SIN3B: variants seen among roughly 807,000 people sequenced by gnomAD.
SIN3B encodes SIN3 transcription regulator family member B.
Under a neutral mutation model 120.2 loss-of-function variants are expected in SIN3B, and 19 were observed. The observed-to-expected ratio is 0.16, with a 90% CI of 0.11 to 0.23. The LOEUF (loss-of-function observed/expected upper bound fraction) is 0.23. Ranked by LOEUF, SIN3B falls within the 10% of genes least tolerant of loss-of-function variation. The pLI, the probability that SIN3B is intolerant of heterozygous loss-of-function variation, is 1.00. For synonymous variants in SIN3B, 654 were observed against 653.2 expected (o/e 1.00, Z -0.02); for missense variants, 1,073 against 1,573.0 (o/e 0.68, Z 5.38).
Position 16,854,164 on chromosome 19 carries a change from CAGG to C in SIN3B, c.965_967del (p.Glu322del). 6.2e-7 allele frequency: 1 copy of C among 1,612,124 alleles called. No homozygotes were observed. Among genetic ancestry groups the C allele is most frequent in the Non-Finnish European group, 8.5e-7 (1 of 1,179,828 alleles). ...GCAGGTCCGCCGGGTGCTGAAGAGCCAGGAGGTGTATGAAAACTTCCTCCGCTG... is the reference window on the plus strand; with the variant it reads ...GCAGGTCCGCCGGGTGCTGAAGAGCCAGGTGTATGAAAACTTCCTCCGCTG... On this transcript the variant is annotated inframe_deletion, in exon 8 of 19. Transcript: ENST00000248054.
chr19:16,842,527 C>T (rs1971431377), intron 4 of SIN3B, among the ~76,000 whole-genome samples: 1 of 152,132 alleles, frequency 6.6e-6, no homozygotes, highest in Middle Eastern at 3.4e-3. Context: ...CTGCCTCAGC[C>T]CTCCAAGTAG....
chr19:16,841,951 A>G lies in SIN3B; in HGVS notation c.565A>G (p.Ile189Val). 2 of 1,613,712 alleles carry G rather than the reference A, an allele frequency of 1.2e-6. No individual in the cohort carries two copies. The highest frequency in any genetic ancestry group is 1.7e-6 in the Non-Finnish European group (2 of 1,179,810). The change falls in exon 4 of 19, where the codon ATC becomes GTC. Residue 189 changes from isoleucine (I) to valine (V), a missense_variant. Coordinates refer to ENST00000248054, the MANE Select transcript of SIN3B (RefSeq NM_001297595.2). ...HPEIYRSFLEILHTYQKEQLN... is the reference protein window; with the variant it reads ...HPEIYRSFLEVLHTYQKEQLN... ...AGAAATCTACAGGTCATTCCTGGAG[A>G]TCCTGCACACGTACCAGGTAAGAAC...
At chr19:16,856,432 G>A (rs531274327) in intron 8 of SIN3B, among the ~76,000 whole-genome samples, 5 of 152,100 alleles carry the variant, frequency 3.3e-5, no homozygotes, top group Admixed American at 1.3e-4. Context: ...GCAGGTGGGC[G>A]CTACCTGCAG....
In SIN3B at chr19:16,866,616, C is replaced by A; in HGVS notation, c.1806+60C>A. ...GTGGGGTCCTGGCTCTCCCGACCGC[C>A]GGGTCTGTGCCTCTGTTTCCCTGGT... On this transcript the variant is annotated intron_variant, in intron 12 of 18. Transcript: ENST00000248054. 2.0e-6 allele frequency: 3 copies of A among 1,526,624 alleles called. No individual in the cohort carries two copies. The South Asian group carries it at 3.4e-5, about 17-fold the overall frequency. 94.6% of individuals were successfully genotyped at this position (1,526,624 alleles called of 1,614,324 possible). A position where few individuals can be genotyped will look rare whatever the true frequency, so the allele number is the denominator to read the frequency against.
At chr19:16,865,309 C>CA in intron 10 of SIN3B, 101 bp from the exon 11 acceptor site, 2 of 544,846 alleles carry the variant, frequency 3.7e-6, no homozygotes, top group Non-Finnish European at 6.8e-6. Context: ...TACACACACC[C>CA]CCCCCCCAAA....
Position 16,869,949 on chromosome 19 carries a change from A to C in SIN3B, c.2296A>C (p.Ile766Leu). The change falls in exon 13 of 19, where the codon ATC (isoleucine) becomes CTC (leucine). Residue 766 changes from isoleucine (I) to leucine (L), a missense_variant. Ile to Leu is a conservative substitution (Grantham distance 5). Around this residue, in one of 7 missense-constraint regions of SIN3B, gnomAD observed 52 missense variants for 68.8 expected, o/e 0.76. Transcript: ENST00000248054. ...GACCCTGTGCTCCAGGCTGCTGAAG[A>C]TCTACCGCCAGGCGCAGAAGCAGCT... ...HQTLCSRLLK[I>L]YRQAQKQLLE... 6.2e-7 allele frequency: 1 copy of C among 1,614,204 alleles called. No individual in the cohort carries two copies. The highest frequency in any genetic ancestry group is 1.1e-5 in the South Asian group (1 of 91,084).
chr19:16,861,763 C>CAAA (rs959913779), intron 8 of SIN3B, among the ~76,000 whole-genome samples: 4 of 74,458 alleles, frequency 5.4e-5, no homozygotes, highest in South Asian at 8.8e-4. Context: ...AACTCTGTCT[C>CAAA]AAAAAAAAAA....
chr19:16,862,528 A>G lies in SIN3B; in HGVS notation c.1235A>G (p.Lys412Arg), dbSNP rs772379581. 2.0e-5 allele frequency: 32 copies of G among 1,613,836 alleles called. No homozygotes were observed. The highest frequency in any genetic ancestry group is 1.7e-4 in the Admixed American group (10 of 59,992). Residue 412 changes from lysine (K) to arginine (R), a missense_variant, in exon 9 of 19, where the codon AAG becomes AGG. By Grantham distance (26) the Lys-to-Arg change is conservative. Around this residue, in one of 7 missense-constraint regions of SIN3B, gnomAD observed 118 missense variants for 281.6 expected, o/e 0.42. Transcript: ENST00000248054. The surrounding 1 kb of genome is among the most constrained non-coding windows in gnomAD (Gnocchi z 4.7). ...RALPKTYQQP[K>R]CSGRTAICKE... The stretch of plus-strand genomic sequence containing the variant: ...CTCCCCAAAACCTACCAGCAGCCCA[A>G]GTGCAGTGGGAGGACAGCCATCTGC...
At chr19:16,854,049 A>G in intron 7 of SIN3B, 94 bp from the exon 8 acceptor site, 1 of 822,352 alleles carries the variant, frequency 1.2e-6, no homozygotes, top group Non-Finnish European at 2.0e-6. Context: ...GTTGGTTCCC[A>G]TATCGCACAC....
In SIN3B at chr19:16,871,248, G is replaced by T. The variant is rs757373099; in HGVS notation, c.2442G>T (p.Glu814Asp). 1.1e-5 allele frequency: 18 copies of T among 1,614,102 alleles called. No homozygotes were observed. The highest frequency in any genetic ancestry group is 6.7e-5 in the Admixed American group (4 of 60,012). The change falls in exon 14 of 19, where the codon GAG (glutamate) becomes GAT (aspartate). Residue 814 changes from glutamate to aspartate, a missense_variant. This residue lies in a region of SIN3B where 52 missense variants were observed against 68.8 expected (regional missense o/e 0.76). Transcript: ENST00000248054. ...CCGCAGGTGAAGTGGAGCTGGAGGAGTACTACCCGGCCTTCCTGGACATGG... is the reference window on the plus strand; with the variant it reads ...CCGCAGGTGAAGTGGAGCTGGAGGATTACTACCCGGCCTTCCTGGACATGG... ...LKQPSEVELE[E>D]YYPAFLDMVR... is the part of the protein sequence containing the mutation.
rs779653857 is a variant in SIN3B at position 16,854,274 on chromosome 19, C to G, written c.1058+13C>G. ...GCCCATTTCTGGGGTGAGCAGCTGA[C>G]TTCCCAGGGCTCCCTAGGGGGGTTC... On this transcript the variant is annotated intron_variant, in intron 8 of 18. Transcript: ENST00000248054. 6.4e-7 allele frequency: 1 copy of G among 1,571,154 alleles called. No individual in the cohort carries two copies. The highest frequency in any genetic ancestry group is 1.1e-5 in the South Asian group (1 of 89,498).
rs1278376974 is a variant in SIN3B at position 16,856,092 on chromosome 19, C to CT, written c.1058+1831_1058+1832insT. Reference sequence around the variant, plus strand: ...ATGTATATATATTATACCTCTGCTGCACAAAGAGAAGCCTCATTAGCAGGT... The same window carrying CT: ...ATGTATATATATTATACCTCTGCTGCTACAAAGAGAAGCCTCATTAGCAGGT... On this transcript the variant is annotated intron_variant, in intron 8 of 18. Transcript: ENST00000248054. Among the ~76,000 whole-genome samples, 7 of 152,260 alleles carry CT rather than the reference C, an allele frequency of 4.6e-5. No individual in the cohort carries two copies. The South Asian group carries it at 1.5e-3, about 32-fold the overall frequency.
In SIN3B at chr19:16,852,986, C is replaced by T. The variant is rs1971565001; in HGVS notation, c.850-83C>T. On this transcript the variant is annotated intron_variant, in intron 6 of 18. Coordinates refer to ENST00000248054, the MANE Select transcript of SIN3B (RefSeq NM_001297595.2). ...TTCCCAAAGGAGAGCACGGTCTTAG[C>T]CTTCTTGAGACTCTGTGACAGCGAT... The T allele has an allele frequency of 4.4e-6, 5 of 1,133,420 alleles. No homozygotes were observed. In the East Asian group the frequency reaches 1.2e-4, roughly 27 times the overall value. 70.2% of individuals were successfully genotyped at this position (1,133,420 alleles called of 1,614,324 possible). A position where few individuals can be genotyped will look rare whatever the true frequency, so the allele number is the denominator to read the frequency against.
At chr19:16,864,260 C>G (rs1343100263) in intron 10 of SIN3B, among the ~76,000 whole-genome samples, 2 of 152,182 alleles carry the variant, frequency 1.3e-5, no homozygotes, top group Non-Finnish European at 2.9e-5. Context: ...CACCACTGCA[C>G]TCCACCCTGG....
Position 16,871,345 on chromosome 19 carries a change from C to T in SIN3B, c.2539C>T (p.His847Tyr), listed in dbSNP as rs2051508287. Residue 847 changes from histidine to tyrosine, a missense_variant, in exon 14 of 19, where the codon CAT becomes TAT. Physicochemically the swap from His to Tyr is moderately conservative, Grantham distance 83. Transcript: ENST00000248054. ...EDTLREMFTI[H>Y]AYVGFTMDKL... is the part of the protein sequence containing the mutation. ...CACCCTACGCGAGATGTTCACCATC[C>T]ATGCCTACGTGGGCTTCACCATGGA... The T allele has an allele frequency of 6.2e-7, 1 of 1,613,868 alleles. No homozygotes were observed.
intron 17 of SIN3B, 137 bp downstream of exon 17, chr19:16,877,776 C>A: frequency 1.5e-6 from 1 of 682,538 alleles, no homozygotes; most frequent in Non-Finnish European, 2.6e-6. Flanking sequence ...TGAGGCAGGC[C>A]CTGCCCTTTT....
At chr19:16,860,242 G>A (rs925603478) in intron 8 of SIN3B, among the ~76,000 whole-genome samples, 4 of 152,194 alleles carry the variant, frequency 2.6e-5, no homozygotes, top group Non-Finnish European at 5.9e-5. Flanking sequence ...TTCAACCTGC[G>A]GTCAAGTGCT....
chr19:16,874,938 GTCTGA>G (rs1176485173), intron 14 of SIN3B, among the ~76,000 whole-genome samples: 1 of 151,184 alleles, frequency 6.6e-6, no homozygotes, highest in African/African-American at 2.4e-5. Context: ...TTTTGGTTTG[GTCTGA>G]TCTGATCTGG....
chr19:16,838,009 C>T (rs1049496854), intron 3 of SIN3B, among the ~76,000 whole-genome samples: 4 of 151,992 alleles, frequency 2.6e-5, no homozygotes, highest in African/African-American at 4.8e-5. Context: ...GGAGGCAGTT[C>T]GAACTCTGCC....
Sources: allele counts gnomAD v4.1 joint callset (sites outside exome capture counted in the v4.1 genomes callset), GRCh38; gene constraint gnomAD v4.1.1; regional missense constraint gnomAD v4.1.1; non-coding constraint Gnocchi (gnomAD v3.1); transcripts MANE v1.5; gene names NCBI Gene and HGNC (gene_info 2026-07-23, HGNC 2026-07-21).